LRP2: variants seen among roughly 807,000 people sequenced by gnomAD.
LRP2 encodes the protein low-density lipoprotein receptor-related protein 2.
Under a neutral mutation model 531.0 loss-of-function variants are expected in LRP2, and 172 were observed. The ratio of observed to expected loss-of-function variants is 0.32; its 90% CI spans 0.29 to 0.37. LRP2 has a LOEUF of 0.37. Ranked by LOEUF, LRP2 falls within the 10% of genes least tolerant of loss-of-function variation. The pLI is 1.00. For missense variants in LRP2, 5,167 were observed against 5,868.3 expected (o/e 0.88, Z 3.90); for synonymous variants, 1,992 against 2,027.6 (o/e 0.98, Z 0.47).
intron 48 of LRP2, among the ~76,000 whole-genome samples, 155 bp from the exon 49 acceptor site, chr2:169,188,420 T>C (rs895913694): frequency 6.6e-6 from 1 of 152,174 alleles, no homozygotes; most frequent in Non-Finnish European, 1.5e-5. Flanking sequence ...TCCCCCATCA[T>C]CTTCGTCTAC....
chr2:169,329,672 C>T (rs886485287), intron 1 of LRP2, among the ~76,000 whole-genome samples: 2 of 152,188 alleles, frequency 1.3e-5, no homozygotes, highest in African/African-American at 4.8e-5. Context: ...AGAACCTCAC[C>T]CCAACCCTGA....
intron 54 of LRP2, 46 bp from the exon 55 acceptor site, chr2:169,175,435 A>G (rs375800317): frequency 1.3e-5 from 21 of 1,563,102 alleles, no homozygotes; most frequent in Admixed American, 1.7e-5. Flanking sequence ...CACCAGGGGC[A>G]ACAGTTATCT....
chr2:169,206,972 A>G lies in LRP2; in HGVS notation c.6748T>C (p.Trp2250Arg). ...ATTATATCTAAAGAATCATCAACCC[A>G]ATAAACGTAGCCATCACTTCGGTCC... is the stretch of plus-strand genomic sequence containing the variant. ...AVDRSDGYVY[W>R]VDDSLDIIAR... The change falls in exon 39 of 79, where the codon TGG (tryptophan) becomes CGG (arginine). Residue 2250 changes from tryptophan (W) to arginine (R), a missense_variant. Trp to Arg is a moderately radical substitution (Grantham distance 101). Coordinates refer to ENST00000649046, the MANE Select transcript of LRP2 (RefSeq NM_004525.3). 1.2e-6 allele frequency: 2 copies of G among 1,614,220 alleles called. No homozygotes were observed. Among genetic ancestry groups the G allele is most frequent in the Non-Finnish European group, 1.7e-6 (2 of 1,180,040 alleles).
chr2:169,272,790 C>A (rs1392903313), intron 15 of LRP2, 137 bp downstream of exon 15: 5 of 1,069,006 alleles, frequency 4.7e-6, no homozygotes, highest in Non-Finnish European at 7.2e-6. Flanking sequence ...GCCCTGTGGG[C>A]TACAGAAAGC....
At chr2:169,197,114 G>T in intron 45 of LRP2, 84 bp from the exon 46 acceptor site, 1 of 1,524,742 alleles carries the variant, frequency 6.6e-7, no homozygotes, top group Non-Finnish European at 9.0e-7. Flanking sequence ...CTATCTCTGA[G>T]CTAGATAATA....
chr2:169,189,272 A>G (rs1212758425), intron 48 of LRP2, among the ~76,000 whole-genome samples: 1 of 152,198 alleles, frequency 6.6e-6, no homozygotes, highest in Non-Finnish European at 1.5e-5. Context: ...CAGTTTTACA[A>G]CTGACCTATA....
chr2:169,277,694 G>T, intron 13 of LRP2, 51 bp downstream of exon 13: 4 of 1,497,146 alleles, frequency 2.7e-6, no homozygotes, highest in Non-Finnish European at 3.7e-6. Context: ...GCCATTTTAT[G>T]CACTTTCCCT....
intron 12 of LRP2, among the ~76,000 whole-genome samples, chr2:169,278,159 A>G (rs1683603992): frequency 6.6e-6 from 1 of 151,946 alleles, no homozygotes; most frequent in South Asian, 2.1e-4. Context: ...AATAGCAACT[A>G]TTATGATGCA....
intron 48 of LRP2, 106 bp downstream of exon 48, chr2:169,191,726 A>T: frequency 1.1e-6 from 1 of 892,756 alleles, no homozygotes; most frequent in Admixed American, 1.7e-5. Context: ...CACTAAAAGC[A>T]TCATGGGCCC....
chr2:169,282,273 C>T (rs1299502887), intron 10 of LRP2, among the ~76,000 whole-genome samples: 1 of 152,136 alleles, frequency 6.6e-6, no homozygotes, highest in Non-Finnish European at 1.5e-5. Context: ...GACCTTCGTC[C>T]GGAGAAATCA....
intron 76 of LRP2, among the ~76,000 whole-genome samples, chr2:169,136,137 C>G (rs1487844469): frequency 6.6e-6 from 1 of 152,102 alleles, no homozygotes; most frequent in Non-Finnish European, 1.5e-5. Context: ...AAAACCGTAT[C>G]CAGGCCATCA....
chr2:169,334,268 T>G (rs1051287525), intron 1 of LRP2, among the ~76,000 whole-genome samples: 3 of 152,192 alleles, frequency 2.0e-5, no homozygotes, highest in African/African-American at 2.4e-5. Flanking sequence ...AGTAATAAAC[T>G]ATACCAGAAA....
chr2:169,171,526 A>G (rs1687005780), intron 58 of LRP2, among the ~76,000 whole-genome samples: 1 of 152,142 alleles, frequency 6.6e-6, no homozygotes, highest in Non-Finnish European at 1.5e-5. Flanking sequence ...TAGCCCTCCT[A>G]AAATAGTCAA....
At chr2:169,145,299 CAT>C (rs1243273357) in intron 70 of LRP2, among the ~76,000 whole-genome samples, 1 of 152,204 alleles carries the variant, frequency 6.6e-6, no homozygotes, top group Non-Finnish European at 1.5e-5. Flanking sequence ...TAGGAATGCA[CAT>C]GACTGGCCAT....
intron 3 of LRP2, among the ~76,000 whole-genome samples, chr2:169,307,780 A>G (rs1433457603): frequency 2.6e-5 from 4 of 152,224 alleles, no homozygotes; most frequent in Non-Finnish European, 5.9e-5. Flanking sequence ...AAGCTTTAAT[A>G]GCAGTTATTC....
In LRP2 at chr2:169,157,509, A is replaced by G; in HGVS notation, c.11888-7T>C. The G allele has an allele frequency of 6.2e-7, 1 of 1,612,370 alleles. No individual in the cohort carries two copies. The highest frequency in any genetic ancestry group is 2.2e-5 in the East Asian group (1 of 44,820). ...GTTCTTTCTTTTCCTTTATCTGAAAAACAAAATCCCAGCATTACAAACCAG... is the reference window on the plus strand; with the variant it reads ...GTTCTTTCTTTTCCTTTATCTGAAAGACAAAATCCCAGCATTACAAACCAG... On this transcript the variant is annotated splice_region_variant and splice_polypyrimidine_tract_variant and intron_variant, in intron 63 of 78. Transcript: ENST00000649046.
At chr2:169,207,601 C>G (rs1179546992) in intron 38 of LRP2, among the ~76,000 whole-genome samples, 1 of 152,164 alleles carries the variant, frequency 6.6e-6, no homozygotes, top group Admixed American at 6.5e-5. Context: ...TTGAAACACT[C>G]TAAATATACA....
intron 31 of LRP2, among the ~76,000 whole-genome samples, chr2:169,227,426 T>C (rs1052681274): frequency 2.0e-5 from 3 of 152,210 alleles, no homozygotes; most frequent in Non-Finnish European, 4.4e-5. Context: ...TAATAGATAA[T>C]AAAAGTTCCT....
chr2:169,321,595 T>A (rs1477487409), intron 1 of LRP2, among the ~76,000 whole-genome samples: 6 of 152,202 alleles, frequency 3.9e-5, no homozygotes, highest in Non-Finnish European at 8.8e-5. Flanking sequence ...AGTGATTTTT[T>A]ATTACTAAAT....
Sources: gnomAD v4.1 joint callset for allele counts (sites outside exome capture counted in the v4.1 genomes callset) on GRCh38, gnomAD v4.1.1 for gene constraint, MANE v1.5 for transcripts, NCBI Gene and HGNC (gene_info 2026-07-23, HGNC 2026-07-21) for gene names.